Variants in LTBP1 observed in about 807,000 individuals in gnomAD.
The protein encoded by LTBP1 is latent-transforming growth factor beta-binding protein 1.
A neutral mutation model predicts 207.6 loss-of-function variants in LTBP1; 129 were observed. The ratio of observed to expected loss-of-function variants is 0.62; its 90% confidence interval spans 0.54 to 0.72. The LOEUF is 0.72. LTBP1 is among the 30% of genes least tolerant of loss of function. The pLI, the probability that LTBP1 is intolerant of heterozygous loss-of-function variation, is 0.00. For synonymous variants in LTBP1, 963 were observed against 833.7 expected (o/e 1.16, Z -2.67); for missense variants, 2,281 against 2,217.2 (o/e 1.03, Z -0.58).
At chr2:33,033,564 A>G (rs979651321) in intron 3 of LTBP1, among the ~76,000 whole-genome samples, 3 of 151,998 alleles carry the variant, frequency 2.0e-5, no homozygotes, top group Admixed American at 1.3e-4. Flanking sequence ...TAGCTCCTGT[A>G]GAGTTTTAGA....
At position 33,098,728 on chromosome 2, in the gene LTBP1, C is replaced by T. The variant is rs186723731; in HGVS notation, c.864-11854C>T. Among the ~76,000 whole-genome samples the T allele has an allele frequency of 1.8e-3, 278 of 152,250 alleles. 1 individual carries two copies. The highest frequency in any genetic ancestry group is 3.2e-3 in the Non-Finnish European group (216 of 68,018). The stretch of plus-strand genomic sequence containing the variant: ...TGCTGAGATTACAGGTGTGAGCCAC[C>T]GCGCCTGGCCCACAAATGATTTTTA... On this transcript the variant is annotated intron_variant, in intron 3 of 33. Coordinates refer to ENST00000404816, the MANE Select transcript of LTBP1 (RefSeq NM_206943.4).
At chr2:33,017,027 TAAATA>T (rs1443402281) in intron 2 of LTBP1, among the ~76,000 whole-genome samples, 2 of 151,894 alleles carry the variant, frequency 1.3e-5, no homozygotes, top group Non-Finnish European at 2.9e-5. Flanking sequence ...AAAAAATAAA[TAAATA>T]AAAATAAAAG....
At chr2:33,096,571 G>A (rs1050843873) in intron 3 of LTBP1, among the ~76,000 whole-genome samples, 3 of 152,180 alleles carry the variant, frequency 2.0e-5, no homozygotes, top group Non-Finnish European at 4.4e-5. Flanking sequence ...ATCATTGGTG[G>A]CAATTTTAAT....
intron 3 of LTBP1, among the ~76,000 whole-genome samples, chr2:33,105,684 C>T (rs549256295): frequency 6.9e-4 from 105 of 152,218 alleles, no homozygotes; most frequent in African/African-American, 2.3e-3. Flanking sequence ...CCACCCGCTT[C>T]GGCCTCGCAA....
In LTBP1 at chr2:33,280,112, C is replaced by T. The variant is rs763312851; in HGVS notation, c.3066C>T (p.Cys1022=). 5.0e-6 allele frequency: 8 copies of T among 1,613,900 alleles called. No individual in the cohort carries two copies. Among genetic ancestry groups the T allele is most frequent in the Middle Eastern group, 1.6e-4 (1 of 6,084 alleles). ...TGAATTCTCCTGGATCTTACCAGTG[C>T]GTTCCCTGCACAGAAGGATTCCGAG... ...QCVNSPGSYQ[C]VPCTEGFRGW... is the part of the protein sequence containing the mutation. The change falls in exon 19 of 34, where the codon TGC becomes TGT. Residue 1022 remains cysteine (C), a synonymous_variant. Coordinates refer to ENST00000404816, the MANE Select transcript of LTBP1 (RefSeq NM_206943.4).
chr2:33,005,632 G>T (rs2149031100), intron 2 of LTBP1, among the ~76,000 whole-genome samples: 1 of 145,380 alleles, frequency 6.9e-6, no homozygotes, highest in Non-Finnish European at 1.5e-5. Context: ...TGTGTTTCTG[G>T]CTGGAGTGCT....
chr2:32,996,090 C>G (rs1056187924), intron 2 of LTBP1, among the ~76,000 whole-genome samples: 16 of 152,080 alleles, frequency 1.1e-4, no homozygotes, highest in African/African-American at 3.6e-4. Flanking sequence ...TCTTTGTTTT[C>G]TAACTTGATG....
intron 19 of LTBP1, among the ~76,000 whole-genome samples, chr2:33,290,367 G>T (rs527242972): frequency 3.9e-5 from 6 of 152,176 alleles, no homozygotes; most frequent in Non-Finnish European, 5.9e-5. Context: ...AGGGTTGGAA[G>T]CTAGAACTGT....
chr2:33,157,321 G>T (rs914102031), intron 5 of LTBP1, among the ~76,000 whole-genome samples: 3 of 152,212 alleles, frequency 2.0e-5, no homozygotes, highest in Admixed American at 2.0e-4. Context: ...CCTCATTTCA[G>T]TGGCTCATTT....
intron 2 of LTBP1, among the ~76,000 whole-genome samples, chr2:32,992,656 A>C (rs991498939): frequency 6.6e-6 from 1 of 152,054 alleles, no homozygotes; most frequent in African/African-American, 2.4e-5. Context: ...CTGAAAATGG[A>C]GATTTGTGTC....
At chr2:32,965,574 C>G (rs1679859970) in intron 2 of LTBP1, among the ~76,000 whole-genome samples, 1 of 152,194 alleles carries the variant, frequency 6.6e-6, no homozygotes, top group Admixed American at 6.5e-5. Context: ...TGAGATCATA[C>G]TGTAGGTAGT....
At chr2:33,225,871 A>G (rs1225837895) in intron 9 of LTBP1, among the ~76,000 whole-genome samples, 7 of 152,118 alleles carry the variant, frequency 4.6e-5, no homozygotes, top group Non-Finnish European at 1.0e-4. Context: ...ACTTAACATA[A>G]TGTCCTCCAA....
intron 2 of LTBP1, among the ~76,000 whole-genome samples, chr2:32,952,777 C>T (rs1408721797): frequency 6.6e-6 from 1 of 152,098 alleles, no homozygotes; most frequent in Non-Finnish European, 1.5e-5. Context: ...AATGAGAAGA[C>T]TGGACACGGG....
chr2:33,313,823 C>T (rs1275104586), intron 23 of LTBP1, among the ~76,000 whole-genome samples: 1 of 152,150 alleles, frequency 6.6e-6, no homozygotes, highest in Non-Finnish European at 1.5e-5. Context: ...AGCTTTTCAG[C>T]TGAGATCGTT....
At chr2:32,947,868 C>G (rs7590984) in intron 1 of LTBP1, 50 bp downstream of exon 1, 2 of 1,269,648 alleles carry the variant, frequency 1.6e-6, no homozygotes, top group East Asian at 6.5e-5. Flanking sequence ...GCGCACCGCC[C>G]GCGGAGGGAC....
At chr2:33,274,387 T>C (rs1475026463) in intron 16 of LTBP1, among the ~76,000 whole-genome samples, 2 of 151,802 alleles carry the variant, frequency 1.3e-5, no homozygotes, top group Admixed American at 1.3e-4. Flanking sequence ...ATGAGGCCAA[T>C]AGGAAGCAAC....
chr2:33,312,692 A>T (rs549019457), intron 23 of LTBP1, among the ~76,000 whole-genome samples: 1 of 152,296 alleles, frequency 6.6e-6, no homozygotes, highest in South Asian at 2.1e-4. Context: ...GAAAAAAAAA[A>T]AGTCTAGGAA....
intron 3 of LTBP1, among the ~76,000 whole-genome samples, chr2:33,055,777 G>A (rs558197268): frequency 1.3e-5 from 2 of 152,266 alleles, no homozygotes; most frequent in African/African-American, 4.8e-5. Flanking sequence ...GCAGGAGAAG[G>A]GGACATGTAC....
intron 7 of LTBP1, among the ~76,000 whole-genome samples, chr2:33,208,928 C>T (rs1015413266): frequency 3.8e-4 from 51 of 135,882 alleles, no homozygotes; most frequent in Admixed American, 3.3e-3. Context: ...AGTGCAGTGG[C>T]GCGATCTCGG....
Sources: allele counts gnomAD v4.1 joint callset (sites outside exome capture counted in the v4.1 genomes callset), GRCh38; gene constraint gnomAD v4.1.1; transcripts MANE v1.5; gene names NCBI Gene and HGNC (gene_info 2026-07-23, HGNC 2026-07-21).